The following REEP1 variants were observed in gnomAD, a reference collection of about 807,000 sequenced individuals.
REEP1 encodes receptor accessory protein 1.
REEP1 carries 22 observed loss-of-function variants against 40.3 expected under a neutral mutation model. That is an observed-to-expected ratio of 0.55 (90% CI 0.39 to 0.78). The LOEUF is 0.78. Among genes scored for constraint, REEP1 ranks in the 30% least tolerant of loss-of-function variants. The probability of loss-of-function intolerance (pLI) is 0.00; values close to 1 mark genes in which losing one functional copy is unlikely to be tolerated. For missense variants in REEP1, 280 were observed against 361.1 expected (o/e 0.78, Z 1.82); for synonymous variants, 116 against 139.2 (o/e 0.83, Z 1.17).
At chr2:86,295,043 A>AAAAAG (rs943005108) in intron 1 of REEP1, among the ~76,000 whole-genome samples, 3 of 152,158 alleles carry the variant, frequency 2.0e-5, no homozygotes, top group Non-Finnish European at 2.9e-5. Context: ...TATTTTAAAA[A>AAAAAG]AAAAGAAAAG....
chr2:86,229,348 C>T (rs1166659494), intron 6 of REEP1, among the ~76,000 whole-genome samples: 1 of 152,190 alleles, frequency 6.6e-6, no homozygotes, highest in Non-Finnish European at 1.5e-5. Context: ...CCGGCATCAC[C>T]CAGCCAGGAT....
intron 7 of REEP1, among the ~76,000 whole-genome samples, chr2:86,225,308 G>T (rs958619147): frequency 6.6e-6 from 1 of 152,190 alleles, no homozygotes; most frequent in African/African-American, 2.4e-5. Flanking sequence ...TTTCACTCTT[G>T]TTGCCCAGGC....
rs946190533 is a variant in REEP1 at position 86,277,166 on chromosome 2, A to T, written c.105+5004T>A. Reference sequence around the variant, plus strand: ...TAACTGATCCTAATTATCAAGGGGAACCAGGACTGCTGCTACACAATGAGG... The same window carrying T: ...TAACTGATCCTAATTATCAAGGGGATCCAGGACTGCTGCTACACAATGAGG... On this transcript the variant is annotated intron_variant, in intron 2 of 8. Transcript: ENST00000538924. Among the ~76,000 whole-genome samples, 7 of 152,302 alleles carry T rather than the reference A, an allele frequency of 4.6e-5. No individual in the cohort carries two copies. The South Asian group carries it at 6.2e-4, about 14-fold the overall frequency.
At chr2:86,299,017 ACT>A (rs1481491311) in intron 1 of REEP1, among the ~76,000 whole-genome samples, 2 of 152,026 alleles carry the variant, frequency 1.3e-5, no homozygotes, top group East Asian at 1.9e-4. Flanking sequence ...TTAAGAACTG[ACT>A]CTATTCTTGA....
At chr2:86,263,080 G>A (rs1266861593) in intron 3 of REEP1, among the ~76,000 whole-genome samples, 1 of 152,088 alleles carries the variant, frequency 6.6e-6, no homozygotes, top group Admixed American at 6.6e-5. Flanking sequence ...TTAAAAATTA[G>A]GTAGATGTAT....
chr2:86,276,670 A>G (rs2104371469), intron 2 of REEP1, among the ~76,000 whole-genome samples: 1 of 152,274 alleles, frequency 6.6e-6, no homozygotes, highest in Non-Finnish European at 1.5e-5. Flanking sequence ...ACCAGTGACC[A>G]ACATATGGTG....
At chr2:86,314,026 A>C (rs1679880108) in intron 1 of REEP1, among the ~76,000 whole-genome samples, 1 of 152,246 alleles carries the variant, frequency 6.6e-6, no homozygotes, top group African/African-American at 2.4e-5. Flanking sequence ...TTTGTATCCA[A>C]CCACAGATGT....
chr2:86,242,798 C>A (rs1239879875), intron 5 of REEP1, among the ~76,000 whole-genome samples: 2 of 151,958 alleles, frequency 1.3e-5, no homozygotes, highest in South Asian at 2.1e-4. Flanking sequence ...GTAGCTACTG[C>A]AAGAGTCCAA....
At chr2:86,288,032 A>ATTATTATTTTTTTTTTTTTTTTTTTTTT (rs1558916454) in intron 1 of REEP1, among the ~76,000 whole-genome samples, 2 of 149,752 alleles carry the variant, frequency 1.3e-5, no homozygotes, top group African/African-American at 5.1e-5. Flanking sequence ...TATTTTTATT[A>ATTATTATTTTTTTTTTTTTTTTTTTTTT]TTTTTTTGAG....
intron 2 of REEP1, among the ~76,000 whole-genome samples, chr2:86,281,945 C>T (rs1457348194): frequency 6.6e-6 from 1 of 152,198 alleles, no homozygotes; most frequent in African/African-American, 2.4e-5. Flanking sequence ...ATGCCACAGC[C>T]TCTTGCCGTA....
chr2:86,269,535 CA>C (rs760982005), intron 2 of REEP1, among the ~76,000 whole-genome samples: 12 of 152,136 alleles, frequency 7.9e-5, no homozygotes, highest in Non-Finnish European at 1.6e-4. Context: ...CTAACTAAGC[CA>C]AAGTATCAAT....
intron 4 of REEP1, among the ~76,000 whole-genome samples, chr2:86,254,381 CA>C (rs1676433274): frequency 6.6e-6 from 1 of 152,112 alleles, no homozygotes; most frequent in South Asian, 2.1e-4. Flanking sequence ...TATAAAAGGA[CA>C]GGGGCTAAGC....
At chr2:86,224,665 G>A (rs1416159826) in intron 7 of REEP1, among the ~76,000 whole-genome samples, 2 of 152,298 alleles carry the variant, frequency 1.3e-5, no homozygotes, top group East Asian at 1.9e-4. Context: ...CCTGCTTCCC[G>A]CTGTCCAGCA....
intron 5 of REEP1, among the ~76,000 whole-genome samples, chr2:86,245,827 C>G (rs1675912391): frequency 6.7e-6 from 1 of 150,058 alleles, no homozygotes; most frequent in African/African-American, 2.5e-5. Context: ...TGCAGTGGTG[C>G]TATCTTGGCT....
chr2:86,330,665 CAAA>C (rs1680724602), intron 1 of REEP1, among the ~76,000 whole-genome samples: 5 of 151,882 alleles, frequency 3.3e-5, no homozygotes, highest in Non-Finnish European at 7.4e-5. Flanking sequence ...AGGCTGGTCT[CAAA>C]TTCCTGGGCT....
chr2:86,282,037 A>C (rs1574077224), intron 2 of REEP1, 133 bp downstream of exon 2: 2 of 734,442 alleles, frequency 2.7e-6, no homozygotes, highest in East Asian at 2.7e-5. Context: ...GAGATGTCTC[A>C]TGAGAACTGT....
chr2:86,257,209 G>A (rs1676608865), intron 3 of REEP1, among the ~76,000 whole-genome samples: 1 of 152,020 alleles, frequency 6.6e-6, no homozygotes. Flanking sequence ...CAGCCCCAAG[G>A]GGAAAGGAAA....
intron 2 of REEP1, 129 bp from the exon 3 acceptor site, chr2:86,264,170 T>C (rs533615129): frequency 9.5e-6 from 7 of 735,514 alleles, no homozygotes; most frequent in Non-Finnish European, 1.7e-5. Context: ...ATTTGTAGCC[T>C]TCTCCCTATC....
In REEP1 at chr2:86,215,696, T is replaced by C. The variant is rs1674073653; in HGVS notation, c.*1343A>G. The C allele has an allele frequency of 6.6e-6, 1 of 152,636 alleles. No individual in the cohort carries two copies. The highest frequency in any genetic ancestry group is 2.1e-4 in the South Asian group (1 of 4,822). 9.5% of individuals were successfully genotyped at this position (152,636 alleles called of 1,614,324 possible). ...CACAATGCCATTTAAACCAGATTCT[T>C]TTCAAATAAAATTCTCAATCTAAGT... On this transcript the variant is annotated 3_prime_UTR_variant, in exon 9 of 9. Transcript: ENST00000538924.
Sources: allele counts gnomAD v4.1 joint callset (sites outside exome capture counted in the v4.1 genomes callset), GRCh38; gene constraint gnomAD v4.1.1; transcripts MANE v1.5; gene names NCBI Gene and HGNC (gene_info 2026-07-23, HGNC 2026-07-21).